Variants in ANKRD17 observed in about 807,000 individuals in gnomAD.
ANKRD17 encodes the protein ankyrin repeat domain 17.
A neutral mutation model predicts 229.7 loss-of-function variants in ANKRD17; 19 were observed. The ratio of observed to expected loss-of-function variants is 0.08; its 90% CI spans 0.06 to 0.12. The LOEUF (loss-of-function observed/expected upper bound fraction) is 0.12, where lower values mean the gene tolerates loss of function less well. Among genes scored for constraint, ANKRD17 ranks in the 10% least tolerant of loss-of-function variants. The pLI, the probability that ANKRD17 is intolerant of heterozygous loss-of-function variation, is 1.00. For synonymous variants in ANKRD17, 1,112 were observed against 1,146.1 expected, an observed-to-expected ratio of 0.97 and a Z score of 0.60; for missense variants, 2,176 against 3,176.8, an observed-to-expected ratio of 0.68 and a Z score of 7.57.
intron 1 of ANKRD17, among the ~76,000 whole-genome samples, chr4:73,254,133 A>G (rs1745254424): frequency 6.6e-6 from 1 of 152,240 alleles, no homozygotes; most frequent in African/African-American, 2.4e-5. Context: ...CAAAAAAGGA[A>G]TTTAGATAGC....
At chr4:73,215,151 T>C (rs77259671) in intron 1 of ANKRD17, among the ~76,000 whole-genome samples, 206 of 152,234 alleles carry the variant, frequency 1.4e-3, no homozygotes, top group Non-Finnish European at 2.3e-3. Context: ...TTGTCATCAA[T>C]AATAAAATTC....
chr4:73,177,349 AG>A, intron 2 of ANKRD17, 30 bp downstream of exon 2: 1 of 1,472,126 alleles, frequency 6.8e-7, no homozygotes, highest in Non-Finnish European at 9.1e-7. Flanking sequence ...TTACATAACA[AG>A]GTAGACTTAT....
In ANKRD17 at chr4:73,077,122, C is replaced by T. The variant is rs762953640; in HGVS notation, c.7588-18G>A. 1.0e-5 allele frequency: 16 copies of T among 1,545,932 alleles called. No homozygotes were observed. The highest frequency in any genetic ancestry group is 8.5e-5 in the Admixed American group (4 of 47,262). On this transcript the variant is annotated intron_variant, in intron 32 of 33. Transcript: ENST00000358602. ...GGCATACCCTTAAAAAAGGAAAACACACACATTAACATCCAAGTCATTGTT... is the reference window on the plus strand; with the variant it reads ...GGCATACCCTTAAAAAAGGAAAACATACACATTAACATCCAAGTCATTGTT...
At chr4:73,187,329 C>A (rs901475871) in intron 1 of ANKRD17, among the ~76,000 whole-genome samples, 2 of 152,060 alleles carry the variant, frequency 1.3e-5, no homozygotes, top group African/African-American at 4.8e-5. Context: ...GACTAAGCAG[C>A]TAGAAAAGAA....
chr4:73,129,780 TGA>T (rs1225286926), intron 16 of ANKRD17, among the ~76,000 whole-genome samples: 6 of 141,768 alleles, frequency 4.2e-5, no homozygotes, highest in South Asian at 2.3e-4. Flanking sequence ...TTTTTTTTTT[TGA>T]GAGAGAGAGT....
At chr4:73,108,991 G>C (rs1383824972) in intron 24 of ANKRD17, among the ~76,000 whole-genome samples, 1 of 152,192 alleles carries the variant, frequency 6.6e-6, no homozygotes, top group Non-Finnish European at 1.5e-5. Flanking sequence ...ACACAATGAA[G>C]GGACTGGTTA....
chr4:73,168,133 A>ACT (rs33980175), intron 2 of ANKRD17, among the ~76,000 whole-genome samples: 1 of 32 alleles, frequency 0.031, no homozygotes, highest in Admixed American at 0.25. Context: ...AGCCTGGGGG[A>ACT]GAGTGAGACT....
At chr4:73,165,097 G>A (rs1733058598) in intron 2 of ANKRD17, among the ~76,000 whole-genome samples, 1 of 152,146 alleles carries the variant, frequency 6.6e-6, no homozygotes, top group East Asian at 1.9e-4. Context: ...GAATATATAA[G>A]CTAAAATGTA....
intron 3 of ANKRD17, among the ~76,000 whole-genome samples, chr4:73,158,933 T>G (rs913336731): frequency 6.6e-6 from 1 of 152,210 alleles, no homozygotes; most frequent in African/African-American, 2.4e-5. Context: ...GCCTCCATAA[T>G]TGTAAGAAAT....
intron 1 of ANKRD17, among the ~76,000 whole-genome samples, chr4:73,193,371 G>A (rs914234107): frequency 4.6e-5 from 7 of 152,076 alleles, no homozygotes; most frequent in Non-Finnish European, 8.8e-5. Flanking sequence ...TCTTAAATAC[G>A]TACATAAGAG....
intron 27 of ANKRD17, among the ~76,000 whole-genome samples, chr4:73,095,640 T>C (rs1297853108): frequency 6.6e-6 from 1 of 151,546 alleles, no homozygotes; most frequent in South Asian, 2.1e-4. Context: ...ATCTAATACT[T>C]GCAAAATTAC....
In ANKRD17 at chr4:73,142,258, G is replaced by A. The variant is rs1729707291; in HGVS notation, c.2213C>T (p.Ser738Phe). 6.4e-7 allele frequency: 1 copy of A among 1,550,776 alleles called. No homozygotes were observed. Among genetic ancestry groups the A allele is most frequent in the Non-Finnish European group, 8.6e-7 (1 of 1,160,730 alleles). ...PPDVTQLTPP[S>F]HDLNRAPRVP... Reference sequence around the variant, plus strand: ...AAATCTTACCCTATTTAAATCGTGGGATGGGGGAGTTAACTGAGTGACATC... The same window carrying A: ...AAATCTTACCCTATTTAAATCGTGGAATGGGGGAGTTAACTGAGTGACATC... Residue 738 changes from serine to phenylalanine, a missense_variant, in exon 13 of 34, where the codon TCC (serine) becomes TTC (phenylalanine). Physicochemically the swap from Ser to Phe is radical, Grantham distance 155 (BLOSUM62 -2). This residue lies in a region of ANKRD17 where 275 missense variants were observed against 386.9 expected (regional missense o/e 0.71). Coordinates refer to ENST00000358602, the MANE Select transcript of ANKRD17 (RefSeq NM_032217.5).
intron 24 of ANKRD17, 48 bp downstream of exon 24, chr4:73,113,744 C>T: frequency 1.5e-6 from 2 of 1,337,610 alleles, no homozygotes; most frequent in African/African-American, 2.9e-5. Flanking sequence ...GAAGAGAAAA[C>T]AAGATGGAAA....
rs539886507 is a variant in ANKRD17, at chr4:73,189,524, G to A, written c.394-11991C>T. 1.7e-4 allele frequency among the ~76,000 whole-genome samples: 25 copies of A among 150,314 alleles called. No homozygotes were observed. In the South Asian group the frequency reaches 5.2e-3, roughly 31 times the overall value. ...CTATTTTCCCACCTCAGCCTCCTGA[G>A]CAGCTGGGACTACAGGCGGTCACCA... On this transcript the variant is annotated intron_variant, in intron 1 of 33. Transcript: ENST00000358602.
chr4:73,135,334 C>G (rs1035412277), intron 15 of ANKRD17, 69 bp from the exon 16 acceptor site: 10 of 1,442,064 alleles, frequency 6.9e-6, no homozygotes, highest in Non-Finnish European at 9.4e-6. Flanking sequence ...CATATTCACT[C>G]AAAAATATTT....
rs562200607 is a variant in ANKRD17, at chr4:73,149,746, T to C, written c.1330-696A>G. On this transcript the variant is annotated intron_variant, in intron 7 of 33. Coordinates refer to ENST00000358602, the MANE Select transcript of ANKRD17 (RefSeq NM_032217.5). Reference sequence around the variant, plus strand: ...GCCAGGCGTGGTGGTGTGCACTTCGTCCCAGCTACTCAAGAGGCTGAGGAG... The same window carrying C: ...GCCAGGCGTGGTGGTGTGCACTTCGCCCCAGCTACTCAAGAGGCTGAGGAG... 2.0e-5 allele frequency among the ~76,000 whole-genome samples: 3 copies of C among 152,156 alleles called. No individual in the cohort carries two copies. In the East Asian group the frequency reaches 5.8e-4, roughly 29 times the overall value.
At position 73,240,267 on chromosome 4, in the gene ANKRD17, GA is replaced by G. The variant is rs949793314; in HGVS notation, c.393+18008del. Among the ~76,000 whole-genome samples the G allele has an allele frequency of 5.3e-5, 8 of 149,754 alleles. No individual in the cohort carries two copies. In the South Asian group the frequency reaches 1.1e-3, roughly 20 times the overall value. On this transcript the variant is annotated intron_variant, in intron 1 of 33. Coordinates refer to ENST00000358602, the MANE Select transcript of ANKRD17 (RefSeq NM_032217.5). The stretch of plus-strand genomic sequence containing the variant: ...ATCTGTAAGGGAGGGAAAGAGAAAA[GA>G]AAAAAAAATGTCAAGCCTGTTTAGA...
At chr4:73,107,515 T>C (rs1332955177) in intron 24 of ANKRD17, among the ~76,000 whole-genome samples, 1 of 152,096 alleles carries the variant, frequency 6.6e-6, no homozygotes, top group African/African-American at 2.4e-5. Context: ...AAGTGCAATG[T>C]AAAAAAGGGG....
intron 1 of ANKRD17, among the ~76,000 whole-genome samples, chr4:73,224,092 C>T (rs928196927): frequency 6.6e-6 from 1 of 152,090 alleles, no homozygotes; most frequent in African/African-American, 2.4e-5. Flanking sequence ...CCCGTCTCTA[C>T]TAAAAATACA....
Sources: allele counts gnomAD v4.1 joint callset (sites outside exome capture counted in the v4.1 genomes callset), GRCh38; gene constraint gnomAD v4.1.1; regional missense constraint gnomAD v4.1.1; transcripts MANE v1.5; gene names NCBI Gene and HGNC (gene_info 2026-07-23, HGNC 2026-07-21).